The following AP3B1 variants were observed in gnomAD, a reference collection of about 807,000 sequenced individuals.
The protein encoded by AP3B1 is AP-3 complex subunit beta-1.
AP3B1 carries 61 observed loss-of-function variants against 132.5 expected under a neutral mutation model. That is an observed-to-expected ratio of 0.46 (90% confidence interval 0.37 to 0.57). The LOEUF is 0.57. Ranked by LOEUF, AP3B1 falls within the 20% of genes least tolerant of loss-of-function variation. AP3B1 has a pLI of 0.00. For missense variants in AP3B1, 1,120 were observed against 1,289.4 expected, an observed-to-expected ratio of 0.87 and a Z score of 2.01; for synonymous variants, 388 against 438.3, an observed-to-expected ratio of 0.89 and a Z score of 1.43.
At chr5:78,281,171 G>A (rs935798075) in intron 1 of AP3B1, among the ~76,000 whole-genome samples, 2 of 151,894 alleles carry the variant, frequency 1.3e-5, no homozygotes, top group Non-Finnish European at 2.9e-5. Context: ...GCAGTGGCTC[G>A]CGCCTGTAAT....
chr5:78,179,028 A>G (rs920814970), intron 8 of AP3B1, among the ~76,000 whole-genome samples: 3 of 152,210 alleles, frequency 2.0e-5, no homozygotes, highest in Admixed American at 6.5e-5. Flanking sequence ...GAATTTAAAA[A>G]ATGCAAGAAT....
intron 17 of AP3B1, among the ~76,000 whole-genome samples, chr5:78,120,433 G>T (rs981045068): frequency 1.4e-4 from 21 of 152,218 alleles, no homozygotes; most frequent in African/African-American, 5.1e-4. Flanking sequence ...TCAGTGTGTT[G>T]TATTCAGGAA....
chr5:78,261,431 A>G (rs1012669559), intron 2 of AP3B1, among the ~76,000 whole-genome samples: 1 of 151,934 alleles, frequency 6.6e-6, no homozygotes, highest in African/African-American at 2.4e-5. Context: ...CCAGTCTTCT[A>G]CCCATTTTTT....
At chr5:78,012,909 C>T (rs1171467354) in intron 26 of AP3B1, among the ~76,000 whole-genome samples, 1 of 152,148 alleles carries the variant, frequency 6.6e-6, no homozygotes, top group Non-Finnish European at 1.5e-5. Context: ...TATTACATTC[C>T]AAACCAGCAA....
chr5:78,001,393 G>C (rs942998098), downstream of AP3B1: 1 of 152,204 alleles, frequency 6.6e-6, no homozygotes, highest in Non-Finnish European at 1.5e-5. Context: ...CCAGGCTCCA[G>C]AGGGAAGTGG....
chr5:78,283,479 TCTC>T (rs1377860465), intron 1 of AP3B1, among the ~76,000 whole-genome samples: 1 of 152,148 alleles, frequency 6.6e-6, no homozygotes, highest in Admixed American at 6.6e-5. Flanking sequence ...AAGTTCCAAT[TCTC>T]CTACTCTCTT....
intron 26 of AP3B1, among the ~76,000 whole-genome samples, chr5:78,012,000 C>T (rs1441796358): frequency 6.6e-6 from 1 of 151,994 alleles, no homozygotes; most frequent in Non-Finnish European, 1.5e-5. Context: ...AAATGCTTTT[C>T]ATACTTGGTG....
intron 19 of AP3B1, among the ~76,000 whole-genome samples, chr5:78,111,041 AGCC>A (rs1338797159): frequency 1.3e-5 from 2 of 152,050 alleles, no homozygotes; most frequent in Non-Finnish European, 2.9e-5. Context: ...TATAGGCTTG[AGCC>A]ACCACACCTG....
intron 24 of AP3B1, among the ~76,000 whole-genome samples, chr5:78,027,188 T>A (rs1747371764): frequency 6.6e-6 from 1 of 151,710 alleles, no homozygotes; most frequent in African/African-American, 2.4e-5. Context: ...TATGAAAATA[T>A]TTATCTATAC....
At chr5:78,153,993 T>C (rs930222808) in intron 14 of AP3B1, among the ~76,000 whole-genome samples, 1 of 152,218 alleles carries the variant, frequency 6.6e-6, no homozygotes, top group Non-Finnish European at 1.5e-5. Context: ...ACCACAATTC[T>C]AGTGTTACAA....
rs187274732 is a variant in AP3B1, at chr5:78,231,277, G to A, written c.280-3038C>T. 3.2e-4 allele frequency among the ~76,000 whole-genome samples: 48 copies of A among 151,986 alleles called. No individual in the cohort carries two copies. In the East Asian group the frequency reaches 7.2e-3, roughly 23 times the overall value. ...CAACCTCCGCCACCCAGGTTCAAGC[G>A]ATTCTCCTGCCTCAGCTTCCCAAGT... On this transcript the variant is annotated intron_variant, in intron 3 of 26. Transcript: ENST00000255194.
At chr5:78,072,048 T>C (rs556728156) in intron 22 of AP3B1, among the ~76,000 whole-genome samples, 24 of 152,200 alleles carry the variant, frequency 1.6e-4, no homozygotes, top group African/African-American at 5.1e-4. Flanking sequence ...TGTAAATGAA[T>C]GAGTTTCTGA....
intron 20 of AP3B1, among the ~76,000 whole-genome samples, chr5:78,104,171 T>C (rs1436318453): frequency 6.6e-6 from 1 of 152,164 alleles, no homozygotes; most frequent in Non-Finnish European, 1.5e-5. Flanking sequence ...ATGAAATATT[T>C]TCAATTAGAA....
At chr5:78,120,645 A>G (rs1193944298) in intron 17 of AP3B1, among the ~76,000 whole-genome samples, 4 of 151,982 alleles carry the variant, frequency 2.6e-5, no homozygotes, top group Admixed American at 1.3e-4. Flanking sequence ...AGAGCTAACT[A>G]TCCTAAATAT....
intron 8 of AP3B1, among the ~76,000 whole-genome samples, chr5:78,180,441 C>A (rs966465753): frequency 1.3e-5 from 2 of 151,958 alleles, no homozygotes; most frequent in African/African-American, 4.8e-5. Flanking sequence ...AAAGATGCAA[C>A]CATCCCATTC....
intron 26 of AP3B1, among the ~76,000 whole-genome samples, chr5:78,010,911 T>C (rs1366500743): frequency 6.6e-6 from 1 of 152,178 alleles, no homozygotes; most frequent in East Asian, 1.9e-4. Context: ...AGTGAAGATA[T>C]TCAGCTACAT....
chr5:78,142,429 C>T (rs1232914921), intron 14 of AP3B1, among the ~76,000 whole-genome samples: 1 of 152,134 alleles, frequency 6.6e-6, no homozygotes, highest in African/African-American at 2.4e-5. Context: ...TAAAAGGTGG[C>T]ATCACGAGGA....
intron 19 of AP3B1, among the ~76,000 whole-genome samples, chr5:78,112,673 T>C (rs1751648461): frequency 6.6e-6 from 1 of 152,204 alleles, no homozygotes; most frequent in Non-Finnish European, 1.5e-5. Flanking sequence ...AGTAGCTCCT[T>C]TGCTGCAACA....
intron 22 of AP3B1, among the ~76,000 whole-genome samples, chr5:78,044,574 T>G (rs1055398421): frequency 2.0e-5 from 3 of 152,198 alleles, no homozygotes. Flanking sequence ...GGAAGACTAT[T>G]TGAAAGTTGG....
Sources: gnomAD v4.1 joint callset for allele counts (sites outside exome capture counted in the v4.1 genomes callset) on GRCh38, gnomAD v4.1.1 for gene constraint, MANE v1.5 for transcripts, NCBI Gene and HGNC (gene_info 2026-07-23, HGNC 2026-07-21) for gene names.